Variants in COLQ observed in about 807,000 individuals in gnomAD.
COLQ encodes collagen like tail subunit of asymmetric acetylcholinesterase.
A neutral mutation model predicts 69.0 loss-of-function variants in COLQ; 48 were observed. The ratio of observed to expected loss-of-function variants is 0.70; its 90% CI spans 0.55 to 0.88. COLQ has a LOEUF of 0.88. Among genes scored for constraint, COLQ ranks in the 40% least tolerant of loss-of-function variants. COLQ has a pLI of 0.00. For synonymous variants in COLQ, 217 were observed against 211.2 expected, an observed-to-expected ratio of 1.03 and a Z score of -0.24; for missense variants, 618 against 594.6, an observed-to-expected ratio of 1.04 and a Z score of -0.41.
intron 1 of COLQ, chr3:15,506,635 T>G (rs1177933432): frequency 6.6e-6 from 1 of 152,228 alleles, no homozygotes; most frequent in Non-Finnish European, 1.5e-5. Flanking sequence ...AGACAGCATT[T>G]CATTATGCTG....
chr3:15,453,487 C>T (rs1188598923), intron 16 of COLQ, among the ~76,000 whole-genome samples: 1 of 152,198 alleles, frequency 6.6e-6, no homozygotes, highest in Non-Finnish European at 1.5e-5. Context: ...CCCACCTAGG[C>T]CCACAGCCCA....
intron 1 of COLQ, among the ~76,000 whole-genome samples, chr3:15,507,288 A>C (rs1447320613): frequency 6.6e-6 from 1 of 152,246 alleles, no homozygotes. Flanking sequence ...ATTCCTAGAA[A>C]TAAAAATACT....
rs150795555 is a variant in COLQ, at chr3:15,473,447, C to T, written c.636+553G>A. 2.4e-4 allele frequency among the ~76,000 whole-genome samples: 36 copies of T among 152,340 alleles called. No individual in the cohort carries two copies. Among genetic ancestry groups the T allele is most frequent in the African/African-American group, 8.2e-4 (34 of 41,590 alleles). On this transcript the variant is annotated intron_variant, in intron 10 of 16. Coordinates refer to ENST00000383788, the MANE Select transcript of COLQ (RefSeq NM_005677.4). This position sits in a 1 kb window ranked among gnomAD's most constrained non-coding sequence, Gnocchi z 4.0. ...TGCTGGGATTACAGGCATGAGGCAC[C>T]ATGCCTGGCCAATATTTAACTATTT...
intron 1 of COLQ, among the ~76,000 whole-genome samples, chr3:15,506,357 T>A (rs56154600): frequency 0.41 from 62,358 of 151,950 alleles, 13,786 homozygotes; most frequent in East Asian, 0.62. Flanking sequence ...AGAATAGGTA[T>A]TACATGCATG....
chr3:15,484,071 A>T (rs2062535163), intron 3 of COLQ, among the ~76,000 whole-genome samples: 1 of 151,786 alleles, frequency 6.6e-6, no homozygotes, highest in Non-Finnish European at 1.5e-5. Context: ...TGCTTGGTAG[A>T]TTTTCCTCCA....
chr3:15,518,150 TG>T (rs2063087367), intron 1 of COLQ, among the ~76,000 whole-genome samples: 1 of 152,210 alleles, frequency 6.6e-6, no homozygotes, highest in Non-Finnish European at 1.5e-5. Context: ...TTCTCCATGT[TG>T]GTCAGGCTGG....
intron 10 of COLQ, 149 bp from the exon 11 acceptor site, chr3:15,470,765 G>A (rs1367738539): frequency 3.9e-6 from 3 of 761,308 alleles, no homozygotes; most frequent in South Asian, 2.8e-5. Context: ...GGTTAGCAGA[G>A]TGAGGAAGTC....
chr3:15,504,695 C>A (rs2062881751), intron 1 of COLQ, among the ~76,000 whole-genome samples: 1 of 152,100 alleles, frequency 6.6e-6, no homozygotes, highest in Admixed American at 6.6e-5. Flanking sequence ...CCCTTCTCTA[C>A]TAAAAAATAC....
intron 1 of COLQ, among the ~76,000 whole-genome samples, chr3:15,492,558 T>G (rs2062685762): frequency 6.6e-6 from 1 of 152,064 alleles, no homozygotes; most frequent in Admixed American, 6.5e-5. Flanking sequence ...TCCCACCTAC[T>G]TGGGAGGCTG....
At chr3:15,467,231 G>A (rs2062213377) in intron 11 of COLQ, among the ~76,000 whole-genome samples, 1 of 152,246 alleles carries the variant, frequency 6.6e-6, no homozygotes, top group African/African-American at 2.4e-5. Context: ...ATGGTAGGCA[G>A]CTTTGCTGAT....
chr3:15,480,028 C>T (rs1204503318), intron 3 of COLQ, among the ~76,000 whole-genome samples: 1 of 152,164 alleles, frequency 6.6e-6, no homozygotes, highest in Non-Finnish European at 1.5e-5. Context: ...TTTGCATATC[C>T]ACAGCCAGAA....
chr3:15,452,976 G>T (rs1310321357), intron 16 of COLQ, among the ~76,000 whole-genome samples: 1 of 152,222 alleles, frequency 6.6e-6, no homozygotes, highest in Non-Finnish European at 1.5e-5. Context: ...TGGACTCAAG[G>T]ACAGAAGAGA....
chr3:15,470,498 T>A, intron 11 of COLQ, 38 bp downstream of exon 11: 1 of 1,583,644 alleles, frequency 6.3e-7, no homozygotes, highest in South Asian at 1.1e-5. Context: ...GTCAGGAAGT[T>A]CTGACCTCAG....
rs191080619 is a variant in COLQ, at chr3:15,498,564, G to A, written c.107-8927C>T. 92 of 1,551,946 alleles carry A rather than the reference G, an allele frequency of 5.9e-5. 1 individual carries two copies. In the African/African-American group the frequency reaches 6.4e-4, roughly 11 times the overall value. On this transcript the variant is annotated intron_variant, in intron 1 of 16. Transcript: ENST00000383788. Reference sequence around the variant, plus strand: ...GTCCTGAAATGATGAGCAGATGAGCGAGGCTGAATGATGAGCCCGTCATTG... The same window carrying A: ...GTCCTGAAATGATGAGCAGATGAGCAAGGCTGAATGATGAGCCCGTCATTG...
At chr3:15,459,914 A>G (rs765010291) in intron 12 of COLQ, among the ~76,000 whole-genome samples, 3 of 152,022 alleles carry the variant, frequency 2.0e-5, no homozygotes, top group Non-Finnish European at 2.9e-5. Context: ...GATGATTCCA[A>G]TTTGCCCCAA....
intron 1 of COLQ, among the ~76,000 whole-genome samples, chr3:15,520,007 G>A (rs1042127440): frequency 1.3e-5 from 2 of 152,224 alleles, no homozygotes; most frequent in African/African-American, 4.8e-5. Flanking sequence ...TAAGGCCACT[G>A]TCTCTCAGAA....
intron 12 of COLQ, among the ~76,000 whole-genome samples, chr3:15,460,701 T>C (rs186598961): frequency 1.3e-5 from 2 of 152,332 alleles, no homozygotes; most frequent in Admixed American, 6.5e-5. Flanking sequence ...TCCTAAGTTA[T>C]GGTTGTTTGT....
chr3:15,477,560 A>G (rs1450143310), intron 5 of COLQ: 1 of 281,050 alleles, frequency 3.6e-6, no homozygotes, highest in Non-Finnish European at 6.9e-6. Context: ...GCAGTAGCAG[A>G]TGCTGTCAGC....
At position 15,498,917 on chromosome 3, in the gene COLQ, G is replaced by C. The variant is rs375085956; in HGVS notation, c.107-9280C>G. The C allele has an allele frequency of 1.1e-5, 14 of 1,255,056 alleles. No homozygotes were observed. The African/African-American group carries it at 2.3e-4, about 21-fold the overall frequency. The allele number at this position is 1,255,056 out of a possible 1,614,324, so 77.7% of individuals were successfully genotyped here. A position where few individuals can be genotyped will look rare whatever the true frequency, so the allele number is the denominator to read the frequency against. On this transcript the variant is annotated intron_variant, in intron 1 of 16. Transcript: ENST00000383788. ...TACTTATCCCCCTGCAAGCCAAGAGGAAATTGAGAGCAATCAAACAGGCTG... is the reference window on the plus strand; with the variant it reads ...TACTTATCCCCCTGCAAGCCAAGAGCAAATTGAGAGCAATCAAACAGGCTG...
Sources: allele counts gnomAD v4.1 joint callset (sites outside exome capture counted in the v4.1 genomes callset), GRCh38; gene constraint gnomAD v4.1.1; non-coding constraint Gnocchi (gnomAD v3.1); transcripts MANE v1.5; gene names NCBI Gene and HGNC (gene_info 2026-07-23, HGNC 2026-07-21).